TRIM2: variants seen among roughly 807,000 people sequenced by gnomAD.
The protein encoded by TRIM2 is tripartite motif containing 2, also known as tripartite motif-containing protein 2.
A neutral mutation model predicts 75.2 loss-of-function variants in TRIM2; 20 were observed. The ratio of observed to expected loss-of-function variants is 0.27; its 90% confidence interval spans 0.19 to 0.39. The LOEUF (loss-of-function observed/expected upper bound fraction) is 0.39. Ranked by LOEUF, TRIM2 falls within the 10% of genes least tolerant of loss-of-function variation. The pLI, the probability that TRIM2 is intolerant of heterozygous loss-of-function variation, is 1.00. For missense variants in TRIM2, 660 were observed against 990.8 expected, an observed-to-expected ratio of 0.67 and a Z score of 4.48; for synonymous variants, 373 against 388.3, an observed-to-expected ratio of 0.96 and a Z score of 0.46.
At chr4:153,269,909 T>G (rs1756218894) in intron 1 of TRIM2, among the ~76,000 whole-genome samples, 1 of 152,080 alleles carries the variant, frequency 6.6e-6, no homozygotes, top group Non-Finnish European at 1.5e-5. Context: ...ACTTCTACCT[T>G]TATTTATTTA....
intron 6 of TRIM2, among the ~76,000 whole-genome samples, chr4:153,314,889 G>A (rs539026966): frequency 6.6e-6 from 1 of 152,118 alleles, no homozygotes; most frequent in African/African-American, 2.4e-5. Context: ...TAGAATTTTG[G>A]CAAAACTGTA....
intron 10 of TRIM2, among the ~76,000 whole-genome samples, chr4:153,326,230 G>T (rs1035861404): frequency 6.6e-6 from 1 of 152,150 alleles, no homozygotes; most frequent in African/African-American, 2.4e-5. Context: ...TGGCATTTTA[G>T]TCGGGAAAAA....
upstream of TRIM2, among the ~76,000 whole-genome samples, chr4:153,199,576 TAGTC>T (rs201771191): frequency 0.02 from 3,117 of 152,178 alleles, 80 homozygotes; most frequent in African/African-American, 0.06. Context: ...TAATAAATCT[TAGTC>T]AGTTATTATT....
upstream of TRIM2, among the ~76,000 whole-genome samples, chr4:153,202,624 G>A (rs1333341940): frequency 1.3e-5 from 2 of 150,918 alleles, no homozygotes; most frequent in East Asian, 1.9e-4. Context: ...GCCTGAACCC[G>A]AGAGGCGGAG....
intron 1 of TRIM2, among the ~76,000 whole-genome samples, chr4:153,242,298 T>G (rs925190459): frequency 1.4e-4 from 21 of 151,080 alleles, no homozygotes; most frequent in Non-Finnish European, 2.8e-4. Flanking sequence ...TACTTAGCCT[T>G]GGTCTATTTT....
intron 5 of TRIM2, among the ~76,000 whole-genome samples, chr4:153,294,915 A>AGAGTTTTCAT (rs1762478027): frequency 6.6e-6 from 1 of 152,164 alleles, no homozygotes; most frequent in African/African-American, 2.4e-5. Context: ...TCAGGTGTGG[A>AGAGTTTTCAT]GAGTTTTCAT....
chr4:153,316,078 T>C (rs778051387), intron 8 of TRIM2, 79 bp downstream of exon 8: 1 of 1,387,068 alleles, frequency 7.2e-7, no homozygotes, highest in Non-Finnish European at 9.7e-7. Context: ...ATATTTCTTT[T>C]TTGAGATGCA....
intron 1 of TRIM2, among the ~76,000 whole-genome samples, chr4:153,181,869 G>A (rs1732100512): frequency 2.0e-5 from 3 of 152,156 alleles, no homozygotes; most frequent in Non-Finnish European, 2.9e-5. Flanking sequence ...GCCAGGGCGG[G>A]TGCCTCACAG....
At chr4:153,164,343 C>G (rs139663893) in intron 1 of TRIM2, among the ~76,000 whole-genome samples, 1 of 152,264 alleles carries the variant, frequency 6.6e-6, no homozygotes, top group African/African-American at 2.4e-5. Flanking sequence ...TAAGATGGTA[C>G]TTTTAAAAGC....
chr4:153,232,555 A>G (rs1743930349), intron 1 of TRIM2, among the ~76,000 whole-genome samples: 1 of 152,164 alleles, frequency 6.6e-6, no homozygotes, highest in Non-Finnish European at 1.5e-5. Flanking sequence ...CGTGACCAGC[A>G]CAGTGAGAGG....
At position 153,208,737 on chromosome 4, in the gene TRIM2, T is replaced by C. The variant is rs1353960929; in HGVS notation, c.30+4177T>C. ...GAAAGCTAGAACATGTAGACTGCCCTCCATAGTGCTTGGCATGGGGTCGTT... is the reference window on the plus strand; with the variant it reads ...GAAAGCTAGAACATGTAGACTGCCCCCCATAGTGCTTGGCATGGGGTCGTT... On this transcript the variant is annotated intron_variant, in intron 1 of 11. Coordinates refer to ENST00000338700, the MANE Select transcript of TRIM2 (RefSeq NM_015271.5). Among the ~76,000 whole-genome samples the C allele has an allele frequency of 2.0e-5, 3 of 152,160 alleles. No individual in the cohort carries two copies. In the East Asian group the frequency reaches 5.8e-4, roughly 29 times the overall value.
chr4:153,227,566 T>C (rs976118063), intron 1 of TRIM2, among the ~76,000 whole-genome samples: 2 of 152,152 alleles, frequency 1.3e-5, no homozygotes, highest in Admixed American at 6.5e-5. Context: ...ACCACCAAAT[T>C]GAATGAGTTT....
At chr4:153,314,887 T>G (rs1409737768) in intron 6 of TRIM2, among the ~76,000 whole-genome samples, 1 of 152,210 alleles carries the variant, frequency 6.6e-6, no homozygotes, top group Non-Finnish European at 1.5e-5. Context: ...GGTAGAATTT[T>G]GGCAAAACTG....
upstream of TRIM2, among the ~76,000 whole-genome samples, chr4:153,202,712 A>G (rs1734515736): frequency 6.6e-6 from 1 of 150,948 alleles, no homozygotes; most frequent in African/African-American, 2.4e-5. Context: ...AAAAAAAAAA[A>G]AAAGAAATCA....
Position 153,275,965 on chromosome 4 carries a change from G to T in TRIM2, c.288G>T (p.Leu96=). The T allele has an allele frequency of 6.2e-7, 1 of 1,614,162 alleles. No individual in the cohort carries two copies. The highest frequency in any genetic ancestry group is 1.1e-5 in the South Asian group (1 of 91,076). Residue 96 remains leucine (L), a synonymous_variant, in exon 3 of 12, where the codon CTG becomes CTT. Transcript: ENST00000338700. ...CAGTGTGCCGCCAGACCTCCATCCTGCCCGAGAAAGGGGTGGCCGCGCTCC... is the reference window on the plus strand; with the variant it reads ...CAGTGTGCCGCCAGACCTCCATCCTTCCCGAGAAAGGGGTGGCCGCGCTCC... ...SCPVCRQTSI[L]PEKGVAALQN...
At chr4:153,301,510 C>A (rs1315273966) in intron 6 of TRIM2, among the ~76,000 whole-genome samples, 1 of 152,140 alleles carries the variant, frequency 6.6e-6, no homozygotes, top group Non-Finnish European at 1.5e-5. Context: ...TCCATGTATC[C>A]ATTTTTGCTT....
intron 1 of TRIM2, among the ~76,000 whole-genome samples, chr4:153,207,966 T>C (rs954533718): frequency 6.6e-6 from 1 of 152,176 alleles, no homozygotes; most frequent in Non-Finnish European, 1.5e-5. Flanking sequence ...TGAAGGCTCA[T>C]CCAGGAATAA....
At chr4:153,257,885 T>A in intron 1 of TRIM2, 1 of 308,956 alleles carries the variant, frequency 3.2e-6, no homozygotes, top group Non-Finnish European at 6.4e-6. Context: ...CCTCTGTAGC[T>A]GTAAAATGCA....
upstream of TRIM2, among the ~76,000 whole-genome samples, chr4:153,203,126 A>AAAAAG (rs1553962330): frequency 2.1e-5 from 3 of 143,810 alleles, no homozygotes; most frequent in African/African-American, 8.2e-5. Flanking sequence ...AAAAAAAAAA[A>AAAAAG]AGTGGAATTT....
Sources: allele counts gnomAD v4.1 joint callset (sites outside exome capture counted in the v4.1 genomes callset), GRCh38; gene constraint gnomAD v4.1.1; transcripts MANE v1.5; gene names NCBI Gene and HGNC (gene_info 2026-07-23, HGNC 2026-07-21).